Variants in DAB1 observed in about 807,000 individuals in gnomAD.
DAB1 encodes DAB adaptor protein 1.
Under a neutral mutation model 64.6 loss-of-function variants are expected in DAB1, and 15 were observed. The ratio of observed to expected loss-of-function variants is 0.23; its 90% confidence interval spans 0.16 to 0.36. The LOEUF (loss-of-function observed/expected upper bound fraction) is 0.36, where lower values mean the gene tolerates loss of function less well. DAB1 is among the 10% of genes least tolerant of loss of function. The pLI is 1.00. For missense variants in DAB1, 596 were observed against 706.7 expected (o/e 0.84, Z 1.78); for synonymous variants, 235 against 251.9 (o/e 0.93, Z 0.64).
intron 5 of DAB1, among the ~76,000 whole-genome samples, chr1:58,100,205 T>A (rs1279568230): frequency 3.9e-5 from 6 of 152,232 alleles, no homozygotes; most frequent in Non-Finnish European, 7.3e-5. Flanking sequence ...TTTTCCATCA[T>A]CCCAAACAGG....
At chr1:58,119,911 C>A (rs1652634597) in intron 5 of DAB1, among the ~76,000 whole-genome samples, 1 of 152,186 alleles carries the variant, frequency 6.6e-6, no homozygotes, top group Admixed American at 6.5e-5. Context: ...CTACACAGAG[C>A]TAGCTGCTCC....
intron 6 of DAB1, among the ~76,000 whole-genome samples, chr1:57,723,686 T>G (rs1035470014): frequency 5.3e-5 from 8 of 152,260 alleles, no homozygotes; most frequent in Admixed American, 2.6e-4. Context: ...TCTCTTATCC[T>G]TAGTTCCTAT....
In DAB1 at chr1:58,239,419, A is replaced by G. The variant is rs147191710; in HGVS notation, n.310-88831T>C. ...GGACATGTTTAAATTTCATCCCTTGAAATCCTACTTCCTAAAAAGAATAAG... is the reference window on the plus strand; with the variant it reads ...GGACATGTTTAAATTTCATCCCTTGGAATCCTACTTCCTAAAAAGAATAAG... On this transcript the variant is annotated intron_variant and non_coding_transcript_variant, in intron 4 of 20. Coordinates refer to the DAB1 transcript ENST00000485760. Among the ~76,000 whole-genome samples the G allele has an allele frequency of 1.3e-3, 195 of 152,326 alleles. 2 individuals are homozygous for G. The highest frequency in any genetic ancestry group is 4.3e-3 in the African/African-American group (179 of 41,576).
At chr1:57,286,336 G>C (rs1040471757) in intron 2 of DAB1, among the ~76,000 whole-genome samples, 1 of 152,022 alleles carries the variant, frequency 6.6e-6, no homozygotes. Flanking sequence ...TCTGCCCCAG[G>C]AGTCATCTAA....
At chr1:57,180,420 T>C (rs1161631065) in intron 2 of DAB1, among the ~76,000 whole-genome samples, 1 of 152,240 alleles carries the variant, frequency 6.6e-6, no homozygotes, top group East Asian at 1.9e-4. Flanking sequence ...AATGTTTTCA[T>C]GTGTCAGCAA....
intron 1 of DAB1, among the ~76,000 whole-genome samples, chr1:57,301,235 G>T (rs1171552009): frequency 1.3e-5 from 2 of 152,124 alleles, no homozygotes; most frequent in African/African-American, 4.8e-5. Flanking sequence ...AATGCTGGAG[G>T]TACAGAGGGA....
chr1:57,104,123 T>C (rs575518563), intron 4 of DAB1, among the ~76,000 whole-genome samples: 31 of 152,270 alleles, frequency 2.0e-4, no homozygotes, highest in Admixed American at 3.3e-4. Flanking sequence ...GTCTGCAGAC[T>C]GGTACTGGTC....
intron 4 of DAB1, among the ~76,000 whole-genome samples, chr1:58,284,849 G>A (rs776606627): frequency 6.6e-6 from 1 of 152,238 alleles, no homozygotes; most frequent in Non-Finnish European, 1.5e-5. Flanking sequence ...AAAAGCAGCA[G>A]AGCTTGTTCT....
At chr1:57,518,223 C>A (rs1644485479) in intron 7 of DAB1, among the ~76,000 whole-genome samples, 1 of 152,174 alleles carries the variant, frequency 6.6e-6, no homozygotes, top group Non-Finnish European at 1.5e-5. Flanking sequence ...TCACCTTTAG[C>A]CTTTACTGAT....
chr1:57,099,598 G>A (rs886558523), intron 4 of DAB1, among the ~76,000 whole-genome samples: 3 of 152,146 alleles, frequency 2.0e-5, no homozygotes, highest in African/African-American at 7.2e-5. Flanking sequence ...GAGTTTTGAG[G>A]AAATTCATAT....
Position 57,678,255 on chromosome 1 carries a change from A to T in DAB1, n.552-28590T>A, listed in dbSNP as rs192577012. On this transcript the variant is annotated intron_variant and non_coding_transcript_variant, in intron 6 of 20. Coordinates refer to the DAB1 transcript ENST00000485760. ...ATTTAACAAGTGCCCATATTGTGAG[A>T]GGCATTGCAGAGGACCCATTAATCC... Among the ~76,000 whole-genome samples the T allele has an allele frequency of 2.6e-5, 4 of 152,330 alleles. No individual in the cohort carries two copies. In the East Asian group the frequency reaches 7.7e-4, roughly 29 times the overall value.
At chr1:58,412,696 A>G (rs1274185978) in intron 3 of DAB1, among the ~76,000 whole-genome samples, 1 of 152,194 alleles carries the variant, frequency 6.6e-6, no homozygotes, top group African/African-American at 2.4e-5. Flanking sequence ...AATGTCCACT[A>G]CAGAGCAATT....
At position 57,901,948 on chromosome 1, in the gene DAB1, C is replaced by A. The variant is rs188350260; in HGVS notation, n.388-17786G>T. ...AAACATTCTTTGTATTAAAAACAAA[C>A]AAACAAACAAACACGCGGGCAACAT... On this transcript the variant is annotated intron_variant and non_coding_transcript_variant, in intron 5 of 20. Transcript: ENST00000485760. Among the ~76,000 whole-genome samples the A allele has an allele frequency of 2.5e-3, 386 of 151,960 alleles. 2 individuals are homozygous for A. The East Asian group carries it at 0.029, about 11-fold the overall frequency.
chr1:57,937,574 T>C lies in DAB1; in HGVS notation n.388-53412A>G, dbSNP rs550037285. On this transcript the variant is annotated intron_variant and non_coding_transcript_variant, in intron 5 of 20. Coordinates refer to the DAB1 transcript ENST00000485760. Reference sequence around the variant, plus strand: ...GAGATAGAGGGAGGGACTTGGGAAGTGGTCTGGAGACAGTCTAGGAACAGA... The same window carrying C: ...GAGATAGAGGGAGGGACTTGGGAAGCGGTCTGGAGACAGTCTAGGAACAGA... Among the ~76,000 whole-genome samples the C allele has an allele frequency of 1.5e-3, 223 of 152,034 alleles. 1 individual carries two copies. Among genetic ancestry groups the C allele is most frequent in the African/African-American group, 4.6e-3 (192 of 41,496 alleles).
intron 3 of DAB1, among the ~76,000 whole-genome samples, chr1:58,497,342 C>T (rs1645821016): frequency 6.6e-6 from 1 of 152,072 alleles, no homozygotes; most frequent in Non-Finnish European, 1.5e-5. Flanking sequence ...AACTGTAACA[C>T]TGCTGAGATA....
intron 5 of DAB1, among the ~76,000 whole-genome samples, chr1:58,012,795 G>A (rs865874671): frequency 7.8e-4 from 119 of 152,298 alleles, no homozygotes; most frequent in African/African-American, 2.5e-3. Flanking sequence ...AGAAATGAAT[G>A]TTTGTTGTTA....
chr1:58,167,513 A>G (rs1285167005), intron 4 of DAB1, among the ~76,000 whole-genome samples: 1 of 152,272 alleles, frequency 6.6e-6, no homozygotes, highest in African/African-American at 2.4e-5. Flanking sequence ...ATCAATCAGC[A>G]GGATGTGGGC....
chr1:58,126,103 T>C (rs1281474563), intron 5 of DAB1, among the ~76,000 whole-genome samples: 1 of 152,180 alleles, frequency 6.6e-6, no homozygotes, highest in African/African-American at 2.4e-5. Flanking sequence ...AGCATCAAAC[T>C]TATTTGGTCC....
At chr1:58,077,075 T>C (rs1224481030) in intron 5 of DAB1, among the ~76,000 whole-genome samples, 1 of 152,076 alleles carries the variant, frequency 6.6e-6, no homozygotes, top group Non-Finnish European at 1.5e-5. Flanking sequence ...TCTGGTGGGG[T>C]TGAGGCAGGC....
Sources: allele counts gnomAD v4.1 joint callset (sites outside exome capture counted in the v4.1 genomes callset), GRCh38; gene constraint gnomAD v4.1.1; transcripts MANE v1.5; gene names NCBI Gene and HGNC (gene_info 2026-07-23, HGNC 2026-07-21).